The following NRG3 variants were observed in gnomAD, a reference collection of about 807,000 sequenced individuals.
NRG3 encodes the protein pro-neuregulin-3, membrane-bound isoform.
A neutral mutation model predicts 66.9 loss-of-function variants in NRG3; 31 were observed. That is an observed-to-expected ratio of 0.46 (90% CI 0.35 to 0.63). The LOEUF (loss-of-function observed/expected upper bound fraction) is 0.63, where lower values mean the gene tolerates loss of function less well. NRG3 is among the 20% of genes least tolerant of loss of function. NRG3 has a pLI of 0.00. For synonymous variants in NRG3, 393 were observed against 359.4 expected (o/e 1.09, Z -1.06); for missense variants, 910 against 878.9 (o/e 1.04, Z -0.45).
At chr10:82,306,530 G>T (rs1395063994) in intron 1 of NRG3, among the ~76,000 whole-genome samples, 2 of 151,214 alleles carry the variant, frequency 1.3e-5, no homozygotes, top group African/African-American at 4.9e-5. Flanking sequence ...GGTGAAACCC[G>T]TCTCTACTAA....
chr10:82,004,816 AT>A (rs2061322236), intron 1 of NRG3, among the ~76,000 whole-genome samples: 1 of 152,158 alleles, frequency 6.6e-6, no homozygotes, highest in African/African-American at 2.4e-5. Context: ...ACGCTGGGAG[AT>A]GATGGACGTC....
intron 2 of NRG3, among the ~76,000 whole-genome samples, chr10:82,466,478 G>T (rs1334765301): frequency 6.6e-6 from 1 of 152,118 alleles, no homozygotes; most frequent in Non-Finnish European, 1.5e-5. Context: ...GGAGATAGGG[G>T]CTTAATGAAA....
At chr10:82,436,535 A>G (rs566458033) in intron 2 of NRG3, among the ~76,000 whole-genome samples, 4 of 152,206 alleles carry the variant, frequency 2.6e-5, no homozygotes, top group Non-Finnish European at 5.9e-5. Context: ...GCCCATTTAT[A>G]TTTAAGGTTA....
chr10:82,676,982 T>G (rs971751773), intron 2 of NRG3, among the ~76,000 whole-genome samples: 1 of 152,102 alleles, frequency 6.6e-6, no homozygotes, highest in African/African-American at 2.4e-5. Flanking sequence ...GCATGCATTT[T>G]GTAATTTAAA....
At chr10:82,264,149 C>G (rs938131216) in intron 1 of NRG3, among the ~76,000 whole-genome samples, 1 of 152,070 alleles carries the variant, frequency 6.6e-6, no homozygotes, top group Non-Finnish European at 1.5e-5. Flanking sequence ...AAACGTAGAG[C>G]CTTTGTATTA....
At chr10:82,318,527 C>T (rs1225533258) in intron 1 of NRG3, among the ~76,000 whole-genome samples, 1 of 152,210 alleles carries the variant, frequency 6.6e-6, no homozygotes, top group Non-Finnish European at 1.5e-5. Context: ...GGACCCTTCT[C>T]GTTTGCATCT....
intron 2 of NRG3, among the ~76,000 whole-genome samples, chr10:82,627,450 A>T (rs1381966963): frequency 6.6e-6 from 1 of 152,132 alleles, no homozygotes; most frequent in Non-Finnish European, 1.5e-5. Flanking sequence ...AAATCACATC[A>T]GCTTATATTT....
chr10:82,844,253 A>G (rs535441256), intron 3 of NRG3, among the ~76,000 whole-genome samples: 7 of 152,340 alleles, frequency 4.6e-5, no homozygotes, highest in East Asian at 1.9e-4. Flanking sequence ...CTTTCTAATT[A>G]AATCCCATTA....
intron 1 of NRG3, among the ~76,000 whole-genome samples, chr10:82,220,663 A>G (rs1339965626): frequency 4.6e-5 from 7 of 152,144 alleles, no homozygotes; most frequent in African/African-American, 1.4e-4. Flanking sequence ...TGCTTTGTAC[A>G]TGCCATATAA....
intron 1 of NRG3, among the ~76,000 whole-genome samples, chr10:82,268,037 CACTG>C (rs2078393356): frequency 6.6e-6 from 1 of 152,162 alleles, no homozygotes; most frequent in African/African-American, 2.4e-5. Context: ...ACATGAATAT[CACTG>C]AGTATTTTTT....
intron 2 of NRG3, among the ~76,000 whole-genome samples, chr10:82,680,087 C>A (rs1292018329): frequency 2.6e-5 from 4 of 152,060 alleles, no homozygotes; most frequent in African/African-American, 4.8e-5. Flanking sequence ...TGAATTTTAC[C>A]AATCACCAAA....
At chr10:82,250,575 C>A (rs550079368) in intron 1 of NRG3, among the ~76,000 whole-genome samples, 5 of 152,054 alleles carry the variant, frequency 3.3e-5, no homozygotes, top group African/African-American at 1.2e-4. Flanking sequence ...GCAACAAGAG[C>A]GAAACTCCGT....
intron 1 of NRG3, among the ~76,000 whole-genome samples, chr10:81,955,065 G>A (rs1849695220): frequency 6.6e-6 from 1 of 150,472 alleles, no homozygotes; most frequent in South Asian, 2.1e-4. Context: ...ATATATATAT[G>A]TAGATACAGA....
intron 2 of NRG3, among the ~76,000 whole-genome samples, chr10:82,555,396 G>A (rs2044586314): frequency 6.6e-6 from 1 of 152,068 alleles, no homozygotes; most frequent in Admixed American, 6.6e-5. Context: ...TAAAAAATGA[G>A]TCAACTCTGT....
chr10:82,704,972 A>G (rs373137169), intron 2 of NRG3, among the ~76,000 whole-genome samples: 1 of 152,212 alleles, frequency 6.6e-6, no homozygotes, highest in South Asian at 2.1e-4. Flanking sequence ...CACACAAATC[A>G]CTGAATAATA....
rs540142948 is a variant in NRG3, at chr10:82,904,783, A to G, written c.1054+39346A>G. On this transcript the variant is annotated intron_variant, in intron 4 of 8. Transcript: ENST00000372141. ...GGGGAAATGATTTCAGAGGGTTTCA[A>G]TGGTGATAATGATGTCAACAAAAAT... 9.2e-5 allele frequency among the ~76,000 whole-genome samples: 14 copies of G among 152,284 alleles called. No individual in the cohort carries two copies. In the South Asian group the frequency reaches 1.7e-3, roughly 18 times the overall value.
At chr10:82,741,985 T>A (rs2134798726) in intron 3 of NRG3, among the ~76,000 whole-genome samples, 1 of 152,300 alleles carries the variant, frequency 6.6e-6, no homozygotes, top group East Asian at 1.9e-4. Flanking sequence ...GCTGAAGGAT[T>A]GTTTAATTTG....
rs115803067 is a variant in NRG3, at chr10:82,675,654, G to T, written c.954-62923G>T. On this transcript the variant is annotated intron_variant, in intron 2 of 8. Transcript: ENST00000372141. Reference sequence around the variant, plus strand: ...TTTACAAAAGTGGTTGAGTTTTGGGGAAAGGCTGTTATCATTTAACCTATA... The same window carrying T: ...TTTACAAAAGTGGTTGAGTTTTGGGTAAAGGCTGTTATCATTTAACCTATA... 5.9e-3 allele frequency among the ~76,000 whole-genome samples: 903 copies of T among 152,256 alleles called. 11 individuals carry two copies. Among genetic ancestry groups the T allele is most frequent in the African/African-American group, 0.021 (868 of 41,532 alleles).
chr10:82,624,058 C>T (rs986407375), intron 2 of NRG3, among the ~76,000 whole-genome samples: 1 of 152,146 alleles, frequency 6.6e-6, no homozygotes, highest in Non-Finnish European at 1.5e-5. Flanking sequence ...TTAATTTTAA[C>T]TTCACCACTC....
Sources: gnomAD v4.1 joint callset for allele counts (sites outside exome capture counted in the v4.1 genomes callset) on GRCh38, gnomAD v4.1.1 for gene constraint, MANE v1.5 for transcripts, NCBI Gene and HGNC (gene_info 2026-07-23, HGNC 2026-07-21) for gene names.